The following MYOM1 variants were observed in gnomAD, a reference collection of about 807,000 sequenced individuals.
The protein encoded by MYOM1 is myomesin-1.
A neutral mutation model predicts 205.3 loss-of-function variants in MYOM1; 164 were observed. That is an observed-to-expected ratio of 0.80 (90% confidence interval 0.70 to 0.91). MYOM1 has a LOEUF of 0.91. Ranked by LOEUF, MYOM1 falls within the 40% of genes least tolerant of loss-of-function variation. The probability of loss-of-function intolerance (pLI) is 0.00; values close to 1 mark genes in which losing one functional copy is unlikely to be tolerated. For missense variants in MYOM1, 2,011 were observed against 2,127.3 expected (o/e 0.95, Z 1.08); for synonymous variants, 772 against 789.4 (o/e 0.98, Z 0.37).
chr18:3,120,823 C>G (rs1443244460), intron 19 of MYOM1, among the ~76,000 whole-genome samples: 1 of 152,128 alleles, frequency 6.6e-6, no homozygotes, highest in African/African-American at 2.4e-5. Context: ...TCAGTAGGAA[C>G]TGGGTTGTTG....
intron 36 of MYOM1, among the ~76,000 whole-genome samples, chr18:3,074,746 T>C (rs2079001286): frequency 6.6e-6 from 1 of 152,204 alleles, no homozygotes. Flanking sequence ...CAGTATTTGT[T>C]GGGGCCAAGT....
intron 6 of MYOM1, among the ~76,000 whole-genome samples, chr18:3,175,065 T>A (rs1020100831): frequency 6.6e-6 from 1 of 152,146 alleles, no homozygotes. Context: ...CTTGCTGAAA[T>A]TTTACAGACA....
chr18:3,168,325 C>T lies in MYOM1; in HGVS notation c.1339+492G>A, dbSNP rs189170479. ...TTTTTTTTTTTTGAGACAGTCTCTC[C>T]GTCGCCCAGGCGGAGTGCAATGGCG... On this transcript the variant is annotated intron_variant, in intron 9 of 37. Coordinates refer to ENST00000356443, the MANE Select transcript of MYOM1 (RefSeq NM_003803.4). 3.8e-4 allele frequency among the ~76,000 whole-genome samples: 57 copies of T among 151,976 alleles called. No individual in the cohort carries two copies. The East Asian group carries it at 4.1e-3, about 11-fold the overall frequency.
intron 5 of MYOM1, 58 bp from the exon 6 acceptor site, chr18:3,176,192 AAC>A: frequency 1.5e-5 from 14 of 957,830 alleles, no homozygotes; most frequent in Middle Eastern, 2.4e-4. Context: ...TTCATGATTA[AAC>A]ACACACACAA....
At chr18:3,176,339 C>T (rs1339920804) in intron 5 of MYOM1, among the ~76,000 whole-genome samples, 1 of 152,144 alleles carries the variant, frequency 6.6e-6, no homozygotes, top group East Asian at 1.9e-4. Flanking sequence ...GTGCTTTCCC[C>T]TCCTCTATAA....
At chr18:3,238,477 G>T in the MYOM1 span, among the ~76,000 whole-genome samples, 1 of 149,156 alleles carries the variant, frequency 6.7e-6, no homozygotes, top group East Asian at 1.9e-4. Context: ...CTAAATTGGT[G>T]GGGGGGTGGG....
intron 12 of MYOM1, among the ~76,000 whole-genome samples, chr18:3,151,397 C>T (rs1319216982): frequency 6.7e-6 from 1 of 148,894 alleles, no homozygotes; most frequent in Non-Finnish European, 1.5e-5. Flanking sequence ...ACACACAATG[C>T]CTGGAACTCA....
chr18:3,237,322 C>T, the MYOM1 span, among the ~76,000 whole-genome samples: 4 of 151,970 alleles, frequency 2.6e-5, no homozygotes, highest in East Asian at 3.9e-4. Context: ...AAGACATGGC[C>T]GGGTGTGGTG....
chr18:3,132,105 T>A (rs2079885388), intron 16 of MYOM1, among the ~76,000 whole-genome samples: 2 of 70,222 alleles, frequency 2.8e-5, no homozygotes, highest in African/African-American at 5.8e-5. Context: ...AAATTATTAT[T>A]ATATATGTGT....
At chr18:3,221,099 C>A (rs1236381502), upstream of MYOM1, among the ~76,000 whole-genome samples, 1 of 152,176 alleles carries the variant, frequency 6.6e-6, no homozygotes, top group Non-Finnish European at 1.5e-5. Context: ...TGGCTCACTG[C>A]AACCTCTGCC....
chr18:3,131,000 C>T (rs1391506201), intron 17 of MYOM1, among the ~76,000 whole-genome samples: 2 of 152,206 alleles, frequency 1.3e-5, no homozygotes, highest in Non-Finnish European at 2.9e-5. Context: ...CTGGCATAGA[C>T]CAAATGGCTT....
At chr18:3,238,613 G>GTTT in the MYOM1 span, among the ~76,000 whole-genome samples, 27 of 152,288 alleles carry the variant, frequency 1.8e-4, no homozygotes, top group African/African-American at 6.0e-4. Context: ...CGGTACATTA[G>GTTT]TTTTTTATTG....
intron 2 of MYOM1, among the ~76,000 whole-genome samples, chr18:3,200,307 C>T (rs1167846619): frequency 6.6e-6 from 1 of 152,118 alleles, no homozygotes; most frequent in Non-Finnish European, 1.5e-5. Flanking sequence ...TTTTTAACAA[C>T]AATAAAAGTT....
intron 2 of MYOM1, among the ~76,000 whole-genome samples, chr18:3,207,028 A>C (rs913029188): frequency 2.0e-5 from 3 of 152,130 alleles, no homozygotes; most frequent in African/African-American, 7.2e-5. Flanking sequence ...TTAAATAGGA[A>C]TATAACCGCA....
Position 3,079,258 on chromosome 18 carries a change from C to T in MYOM1, c.4569G>A (p.Pro1523=), listed in dbSNP as rs750948609. Residue 1523 remains proline (P), a synonymous_variant, in exon 34 of 38, where the codon CCG becomes CCA. Coordinates refer to ENST00000356443, the MANE Select transcript of MYOM1 (RefSeq NM_003803.4). ...QIWLQINEPT[P]NDKGKYVMEL... is the part of the protein sequence containing the mutation. ...CCATGACATACTTCCCTTTGTCATT[C>T]GGGGTGGGCTCGTTGATTTGTAGCC... 35 of 1,613,770 alleles carry T rather than the reference C, an allele frequency of 2.2e-5. No individual in the cohort carries two copies. The highest frequency in any genetic ancestry group is 4.5e-5 in the East Asian group (2 of 44,900).
chr18:3,242,968 T>C, the MYOM1 span, among the ~76,000 whole-genome samples: 1 of 152,230 alleles, frequency 6.6e-6, no homozygotes. Flanking sequence ...TCTATTTAAC[T>C]TATTTTTTCA....
At chr18:3,226,335 C>T in the MYOM1 span, among the ~76,000 whole-genome samples, 3 of 152,170 alleles carry the variant, frequency 2.0e-5, no homozygotes, top group Admixed American at 6.5e-5. The surrounding 1 kb of genome is among the most constrained non-coding windows in gnomAD (Gnocchi z 4.6). Flanking sequence ...TTCAAACCTT[C>T]CAATGGCTCC....
chr18:3,130,344 CTA>C (rs2079857356), intron 17 of MYOM1, among the ~76,000 whole-genome samples: 1 of 151,854 alleles, frequency 6.6e-6, no homozygotes, highest in South Asian at 2.1e-4. Flanking sequence ...TGCCCGATCC[CTA>C]TGTTATAAGG....
At position 3,151,843 on chromosome 18, in the gene MYOM1, T is replaced by C; in HGVS notation, c.1694A>G (p.Lys565Arg). 1 of 1,613,620 alleles carries C rather than the reference T, an allele frequency of 6.2e-7. No individual in the cohort carries two copies. The highest frequency in any genetic ancestry group is 8.5e-7 in the Non-Finnish European group (1 of 1,179,614). The change falls in exon 12 of 38, where the codon AAG (lysine) becomes AGG (arginine). Residue 565 changes from lysine (K) to arginine (R), a missense_variant. Coordinates refer to ENST00000356443, the MANE Select transcript of MYOM1 (RefSeq NM_003803.4). ...SWSQCNDTPVKFARFPVTGLI... is the reference protein window; with the variant it reads ...SWSQCNDTPVRFARFPVTGLI... Reference sequence around the variant, plus strand: ...TCCAGTGACAGGAAAACGAGCAAACTTCACAGGTGTGTCATTGCACTGCGA... The same window carrying C: ...TCCAGTGACAGGAAAACGAGCAAACCTCACAGGTGTGTCATTGCACTGCGA...
Sources: allele counts gnomAD v4.1 joint callset (sites outside exome capture counted in the v4.1 genomes callset), GRCh38; gene constraint gnomAD v4.1.1; non-coding constraint Gnocchi (gnomAD v3.1); transcripts MANE v1.5; gene names NCBI Gene and HGNC (gene_info 2026-07-23, HGNC 2026-07-21).